IL1RAPL1: variants seen among roughly 807,000 people sequenced by gnomAD.
The protein encoded by IL1RAPL1 is interleukin 1 receptor accessory protein like 1.
A neutral mutation model predicts 48.4 loss-of-function variants in IL1RAPL1; 3 were observed. The observed-to-expected ratio is 0.06, with a 90% CI of 0.03 to 0.16. The LOEUF is 0.16. IL1RAPL1 is among the 10% of genes least tolerant of loss of function. The probability of loss-of-function intolerance (pLI) is 1.00; values close to 1 mark genes in which losing one functional copy is unlikely to be tolerated. For synonymous variants in IL1RAPL1, 185 were observed against 187.7 expected (o/e 0.99, Z 0.12); for missense variants, 349 against 530.6 (o/e 0.66, Z 3.36).
At chrX:29,526,738 C>G (rs1260313130) in intron 5 of IL1RAPL1, among the ~76,000 whole-genome samples, 1 of 111,544 alleles carries the variant, frequency 9.0e-6, no homozygotes, top group Admixed American at 9.5e-5. Flanking sequence ...AATTATAAAG[C>G]CTTTCTGAAA....
At chrX:29,631,657 A>G (rs188068696) in intron 5 of IL1RAPL1, among the ~76,000 whole-genome samples, 1 of 111,105 alleles carries the variant, frequency 9.0e-6, no homozygotes, top group African/African-American at 3.3e-5. Context: ...TTAGCCGGGC[A>G]TGGTGTTGGG....
At chrX:29,725,478 A>T (rs1299914074) in intron 6 of IL1RAPL1, among the ~76,000 whole-genome samples, 2 of 111,569 alleles carry the variant, frequency 1.8e-5, no homozygotes, top group East Asian at 5.6e-4. Flanking sequence ...AGCTGGTAGA[A>T]CACACGATCG....
At chrX:28,689,853 AAAG>A (rs1935156239) in intron 1 of IL1RAPL1, among the ~76,000 whole-genome samples, 1 of 111,517 alleles carries the variant, frequency 9.0e-6, no homozygotes, top group Admixed American at 9.5e-5. Context: ...ATGGCAGAAA[AAAG>A]AGAGCATTAG....
intron 6 of IL1RAPL1, among the ~76,000 whole-genome samples, chrX:29,844,289 G>T (rs148313075): frequency 7.2e-5 from 8 of 111,872 alleles, no homozygotes; most frequent in African/African-American, 2.6e-4. Context: ...TATTGGATAT[G>T]TCCTGAATAT....
chrX:29,072,793 T>G (rs1927593157), intron 2 of IL1RAPL1, among the ~76,000 whole-genome samples: 1 of 112,183 alleles, frequency 8.9e-6, no homozygotes, highest in South Asian at 3.7e-4. Flanking sequence ...CTGCTTTGCC[T>G]TTCATCTTTC....
At chrX:29,214,804 C>T (rs1930835450) in intron 2 of IL1RAPL1, among the ~76,000 whole-genome samples, 1 of 112,019 alleles carries the variant, frequency 8.9e-6, no homozygotes, top group Non-Finnish European at 1.9e-5. Flanking sequence ...AATTTCCATT[C>T]ATTGTGAATA....
intron 2 of IL1RAPL1, among the ~76,000 whole-genome samples, chrX:29,094,158 G>T (rs1475196184): frequency 9.0e-6 from 1 of 111,614 alleles, no homozygotes; most frequent in Non-Finnish European, 1.9e-5. Flanking sequence ...TGTACCATGA[G>T]TGTGCATGCC....
At chrX:28,877,610 C>A (rs1922405624) in intron 2 of IL1RAPL1, among the ~76,000 whole-genome samples, 1 of 112,111 alleles carries the variant, frequency 8.9e-6, no homozygotes. Context: ...TAATACCTTT[C>A]TTTAAAACAC....
intron 3 of IL1RAPL1, among the ~76,000 whole-genome samples, chrX:29,361,474 T>C (rs1397920629): frequency 1.8e-5 from 2 of 110,543 alleles, no homozygotes; most frequent in Non-Finnish European, 3.8e-5. Flanking sequence ...TTTCCATAAA[T>C]TACATCTGGC....
chrX:29,162,194 C>T (rs947578432), intron 2 of IL1RAPL1, among the ~76,000 whole-genome samples: 8 of 110,160 alleles, frequency 7.3e-5, no homozygotes, highest in Non-Finnish European at 1.5e-4. Flanking sequence ...ACATCACACA[C>T]GGGGGCCTGT....
At chrX:29,449,780 C>CAG (rs59465141) in intron 5 of IL1RAPL1, among the ~76,000 whole-genome samples, 14 of 58,246 alleles carry the variant, frequency 2.4e-4, no homozygotes, top group Admixed American at 7.4e-4. Context: ...CACACACACA[C>CAG]AGAGAGAGAG....
At chrX:29,284,904 G>A (rs1361159419) in intron 3 of IL1RAPL1, among the ~76,000 whole-genome samples, 2 of 112,000 alleles carry the variant, frequency 1.8e-5, no homozygotes, top group African/African-American at 6.5e-5. Context: ...TACAGTTAAA[G>A]AATACTGTTT....
At chrX:28,624,859 C>G (rs1934320859) in intron 1 of IL1RAPL1, among the ~76,000 whole-genome samples, 1 of 111,807 alleles carries the variant, frequency 8.9e-6, no homozygotes, top group Non-Finnish European at 1.9e-5. Context: ...ATATGAATAC[C>G]CTATTTAAGG....
At chrX:29,650,864 G>A (rs994171882) in intron 5 of IL1RAPL1, among the ~76,000 whole-genome samples, 42 of 110,551 alleles carry the variant, frequency 3.8e-4, no homozygotes, top group African/African-American at 1.3e-3. Context: ...GAAAATATTT[G>A]CAAACTATAC....
intron 3 of IL1RAPL1, among the ~76,000 whole-genome samples, chrX:29,325,677 G>A: frequency 8.9e-6 from 1 of 112,046 alleles, no homozygotes; most frequent in South Asian, 3.7e-4. Context: ...CTGTGAGTGT[G>A]TTAGTCCATT....
intron 3 of IL1RAPL1, among the ~76,000 whole-genome samples, chrX:29,333,290 A>G (rs1932910436): frequency 1.1e-5 from 1 of 87,263 alleles, no homozygotes; most frequent in South Asian, 6.0e-4. Flanking sequence ...GACCCCCCCC[A>G]CCATCCTCCC....
At chrX:29,442,545 T>A (rs1602236985) in intron 5 of IL1RAPL1, among the ~76,000 whole-genome samples, 1 of 112,067 alleles carries the variant, frequency 8.9e-6, no homozygotes, top group Non-Finnish European at 1.9e-5. Flanking sequence ...GTTTTGCTTT[T>A]ACTTAATTTA....
At chrX:29,288,640 T>A (rs952375851) in intron 3 of IL1RAPL1, among the ~76,000 whole-genome samples, 1 of 112,475 alleles carries the variant, frequency 8.9e-6, no homozygotes. Context: ...TTTATCTTTA[T>A]AATAGAATGA....
intron 5 of IL1RAPL1, among the ~76,000 whole-genome samples, chrX:29,636,867 C>T (rs988533647): frequency 1.7e-4 from 19 of 110,601 alleles, no homozygotes; most frequent in Non-Finnish European, 3.0e-4. Context: ...GGAGAAACCC[C>T]GTCTCTACTA....
Sources: gnomAD v4.1 joint callset for allele counts (sites outside exome capture counted in the v4.1 genomes callset) on GRCh38, gnomAD v4.1.1 for gene constraint, MANE v1.5 for transcripts, NCBI Gene and HGNC (gene_info 2026-07-23, HGNC 2026-07-21) for gene names.